The following CAMK2D variants were observed in gnomAD, a reference collection of about 807,000 sequenced individuals.
The protein encoded by CAMK2D is calcium/calmodulin-dependent protein kinase type II subunit delta.
CAMK2D carries 37 observed loss-of-function variants against 84.0 expected under a neutral mutation model. That is an observed-to-expected ratio of 0.44 (90% CI 0.34 to 0.58). The LOEUF is 0.58. CAMK2D is among the 20% of genes least tolerant of loss of function. The probability of loss-of-function intolerance (pLI) is 0.02; values close to 1 mark genes in which losing one functional copy is unlikely to be tolerated. For synonymous variants in CAMK2D, 202 were observed against 212.5 expected (o/e 0.95, Z 0.43); for missense variants, 448 against 652.5 (o/e 0.69, Z 3.41).
At chr4:113,621,168 AT>A (rs1338199861) in intron 3 of CAMK2D, among the ~76,000 whole-genome samples, 1 of 152,120 alleles carries the variant, frequency 6.6e-6, no homozygotes, top group Non-Finnish European at 1.5e-5. Flanking sequence ...TATGTCCTGT[AT>A]TTATAGCATC....
At chr4:113,733,178 C>T (rs973442631) in intron 2 of CAMK2D, among the ~76,000 whole-genome samples, 3 of 152,072 alleles carry the variant, frequency 2.0e-5, no homozygotes, top group Non-Finnish European at 2.9e-5. Flanking sequence ...TGGTGATATT[C>T]GGCAAACCAG....
chr4:113,665,587 A>G (rs1169307227), intron 2 of CAMK2D, among the ~76,000 whole-genome samples: 3 of 152,234 alleles, frequency 2.0e-5, no homozygotes, highest in Non-Finnish European at 4.4e-5. Context: ...CAAGACAGCC[A>G]TAATACTGTT....
In CAMK2D at chr4:113,746,159, A is replaced by C. The variant is rs556822533; in HGVS notation, c.160+13161T>G. On this transcript the variant is annotated intron_variant, in intron 2 of 20. Coordinates refer to ENST00000511664, the MANE Select transcript of CAMK2D (RefSeq NM_001321571.2). Reference sequence around the variant, plus strand: ...AGGGCTGAATAAATTATTTGCATTCAGGGTGAAGGAGAAATTATCTGCTCA... The same window carrying C: ...AGGGCTGAATAAATTATTTGCATTCCGGGTGAAGGAGAAATTATCTGCTCA... 3.3e-5 allele frequency among the ~76,000 whole-genome samples: 5 copies of C among 152,336 alleles called. No individual in the cohort carries two copies. In the South Asian group the frequency reaches 1.0e-3, roughly 32 times the overall value.
intron 2 of CAMK2D, chr4:113,679,369 T>C (rs1592918324): frequency 5.0e-6 from 3 of 597,340 alleles, no homozygotes; most frequent in Non-Finnish European, 6.3e-6. Context: ...TCCTCTTCTC[T>C]ACTAACACAT....
At chr4:113,513,281 TAAAAA>T (rs766703833) in intron 12 of CAMK2D, 42 bp downstream of exon 12, 5 of 1,594,168 alleles carry the variant, frequency 3.1e-6, no homozygotes, top group Admixed American at 1.8e-5. Context: ...AGAGACTACT[TAAAAA>T]GAAGACCAAG....
At chr4:113,547,941 A>C (rs2098595495) in intron 5 of CAMK2D, among the ~76,000 whole-genome samples, 1 of 152,194 alleles carries the variant, frequency 6.6e-6, no homozygotes, top group African/African-American at 2.4e-5. Context: ...TTCTAGAAAA[A>C]TCCATTTTGA....
At chr4:113,477,110 G>A (rs1379544677) in intron 16 of CAMK2D, among the ~76,000 whole-genome samples, 1 of 152,128 alleles carries the variant, frequency 6.6e-6, no homozygotes, top group Non-Finnish European at 1.5e-5. Context: ...CAACATCACT[G>A]TCTCAGTGTA....
chr4:113,731,937 T>C (rs1383152754), intron 2 of CAMK2D, among the ~76,000 whole-genome samples: 1 of 152,012 alleles, frequency 6.6e-6, no homozygotes, highest in East Asian at 1.9e-4. Context: ...ATTTGTTATG[T>C]CCACAGCCGT....
intron 16 of CAMK2D, among the ~76,000 whole-genome samples, chr4:113,489,284 C>A (rs1195130388): frequency 1.8e-4 from 20 of 113,648 alleles, no homozygotes; most frequent in Non-Finnish European, 3.2e-4. Context: ...TGCTATCCCT[C>A]CCCCCTCCCC....
At chr4:113,457,044 C>T in intron 19 of CAMK2D, 4 of 384,168 alleles carry the variant, frequency 1.0e-5, no homozygotes, top group Non-Finnish European at 1.7e-5. Context: ...AAATATTTTG[C>T]CTTATTATAC....
At chr4:113,663,567 T>C (rs1417121876) in intron 2 of CAMK2D, among the ~76,000 whole-genome samples, 1 of 148,534 alleles carries the variant, frequency 6.7e-6, no homozygotes, top group Non-Finnish European at 1.5e-5. Flanking sequence ...CCAGCCTGGG[T>C]GACAGCGGGA....
At chr4:113,734,665 T>C (rs907020940) in intron 2 of CAMK2D, among the ~76,000 whole-genome samples, 14 of 152,160 alleles carry the variant, frequency 9.2e-5, no homozygotes, top group African/African-American at 3.4e-4. Context: ...ACAGCCTAGT[T>C]AGACTAGTTA....
At chr4:113,594,176 G>T (rs115902204) in intron 4 of CAMK2D, among the ~76,000 whole-genome samples, 6,078 of 152,264 alleles carry the variant, frequency 0.04, 356 homozygotes, top group East Asian at 0.19. Flanking sequence ...ACAGATCTCA[G>T]GAGAACTCAC....
chr4:113,509,741 CAG>C, intron 12 of CAMK2D, 66 bp from the exon 13 acceptor site: 1 of 1,175,408 alleles, frequency 8.5e-7, no homozygotes, highest in Non-Finnish European at 1.3e-6. Context: ...GACAACAAAG[CAG>C]TCAGGTTATT....
In CAMK2D at chr4:113,577,949, A is replaced by G. The variant is rs150648491; in HGVS notation, c.276-25853T>C. Among the ~76,000 whole-genome samples the G allele has an allele frequency of 1.4e-3, 209 of 152,266 alleles. 3 individuals carry two copies. The highest frequency in any genetic ancestry group is 2.3e-3 in the Non-Finnish European group (153 of 67,988). On this transcript the variant is annotated intron_variant, in intron 4 of 20. Coordinates refer to ENST00000511664, the MANE Select transcript of CAMK2D (RefSeq NM_001321571.2). ...ATGCTTTTCCACCACTATGAGCCAC[A>G]TATGGAATGCTAGGAGTTTCACAGT...
chr4:113,537,194 T>A, intron 7 of CAMK2D, 147 bp downstream of exon 7: 1 of 519,818 alleles, frequency 1.9e-6, no homozygotes, highest in South Asian at 3.4e-5. Context: ...CAAAATTAAA[T>A]GCTTATAAAG....
At chr4:113,714,173 A>G (rs1054097866) in intron 2 of CAMK2D, among the ~76,000 whole-genome samples, 1 of 151,970 alleles carries the variant, frequency 6.6e-6, no homozygotes, top group Non-Finnish European at 1.5e-5. Context: ...CCCTATTTCT[A>G]TTAGTTTATG....
At position 113,632,089 on chromosome 4, in the gene CAMK2D, CTTA is replaced by C. The variant is rs571545755; in HGVS notation, c.221-22886_221-22884del. On this transcript the variant is annotated intron_variant, in intron 3 of 20. Coordinates refer to ENST00000511664, the MANE Select transcript of CAMK2D (RefSeq NM_001321571.2). ...TACAGGCTAACAATACTTGCTATCA[CTTA>C]TTATACAATCAAAGCCTATATGATG... Among the ~76,000 whole-genome samples, 20 of 152,314 alleles carry C rather than the reference CTTA, an allele frequency of 1.3e-4. No homozygotes were observed. The South Asian group carries it at 3.7e-3, about 28-fold the overall frequency.
intron 4 of CAMK2D, among the ~76,000 whole-genome samples, chr4:113,572,536 C>T (rs190701148): frequency 1.3e-5 from 2 of 151,682 alleles, no homozygotes; most frequent in East Asian, 3.9e-4. Context: ...AAAAAAAGCT[C>T]AATATCACTG....
Sources: allele counts gnomAD v4.1 joint callset (sites outside exome capture counted in the v4.1 genomes callset), GRCh38; gene constraint gnomAD v4.1.1; transcripts MANE v1.5; gene names NCBI Gene and HGNC (gene_info 2026-07-23, HGNC 2026-07-21).